Variants in PCDHA5 observed in about 807,000 individuals in gnomAD.
PCDHA5 encodes the protein protocadherin alpha-5.
Under a neutral mutation model 61.6 loss-of-function variants are expected in PCDHA5, and 43 were observed. That is an observed-to-expected ratio of 0.70 (90% CI 0.55 to 0.90). The LOEUF (loss-of-function observed/expected upper bound fraction) is 0.90. Among genes scored for constraint, PCDHA5 ranks in the 40% least tolerant of loss-of-function variants. The pLI is 0.00. For missense variants in PCDHA5, 1,298 were observed against 1,222.7 expected, an observed-to-expected ratio of 1.06 and a Z score of -0.92; for synonymous variants, 627 against 543.9, an observed-to-expected ratio of 1.15 and a Z score of -2.13.
intron 1 of PCDHA5, 66 bp downstream of exon 1, chr5:140,824,193 C>T: frequency 1.2e-6 from 2 of 1,601,982 alleles, no homozygotes; most frequent in Non-Finnish European, 1.7e-6. Context: ...GTCACATTCA[C>T]CCACTTTTTT....
chr5:141,009,594 C>G, intron 3 of PCDHA5, 33 bp from the exon 4 acceptor site: 1 of 1,602,468 alleles, frequency 6.2e-7, no homozygotes, highest in Non-Finnish European at 8.5e-7. Context: ...ATGTGTTGAC[C>G]CTGTTAATGA....
chr5:140,908,307 C>T (rs782169692), intron 1 of PCDHA5, among the ~76,000 whole-genome samples: 43 of 152,180 alleles, frequency 2.8e-4, no homozygotes, highest in Non-Finnish European at 1.3e-4. Context: ...GAAGGAAGGG[C>T]GGCAGGAGTG....
intron 1 of PCDHA5, among the ~76,000 whole-genome samples, chr5:140,886,712 G>A (rs950364984): frequency 1.3e-5 from 2 of 151,798 alleles, no homozygotes; most frequent in Middle Eastern, 3.4e-3. Flanking sequence ...TGTAATCCCA[G>A]CTACTTGGGA....
chr5:140,874,152 T>C (rs1416330070), intron 1 of PCDHA5, among the ~76,000 whole-genome samples: 1 of 152,228 alleles, frequency 6.6e-6, no homozygotes, highest in African/African-American at 2.4e-5. Context: ...TGTAGAGCCA[T>C]TCTTGGTTAC....
intron 1 of PCDHA5, chr5:140,856,046 A>G (rs781911942): frequency 1.3e-6 from 2 of 1,582,372 alleles, no homozygotes; most frequent in East Asian, 2.2e-5. Flanking sequence ...AGAGAAGGAT[A>G]AGATGGTTTC....
intron 1 of PCDHA5, chr5:140,855,966 T>C (rs1554148056): frequency 7.0e-7 from 1 of 1,422,664 alleles, no homozygotes; most frequent in South Asian, 1.4e-5. Flanking sequence ...AAAATAGATA[T>C]AAGAAATAGG....
intron 1 of PCDHA5, chr5:140,877,047 C>A (rs372059660): frequency 3.3e-5 from 53 of 1,612,564 alleles, no homozygotes; most frequent in Non-Finnish European, 4.3e-5. Flanking sequence ...CGCTAGACCA[C>A]GAGGAGCTGG....
chr5:140,920,773 G>A (rs374394320), intron 1 of PCDHA5, among the ~76,000 whole-genome samples: 41 of 151,942 alleles, frequency 2.7e-4, no homozygotes, highest in African/African-American at 9.2e-4. Flanking sequence ...ACACCTGGGA[G>A]GTGGAGGTTG....
At chr5:140,846,526 C>T (rs1554141357) in intron 1 of PCDHA5, among the ~76,000 whole-genome samples, 1 of 148,306 alleles carries the variant, frequency 6.7e-6, no homozygotes, top group Non-Finnish European at 1.5e-5. Context: ...AGGTGCATGC[C>T]ACCATGCCCT....
intron 1 of PCDHA5, among the ~76,000 whole-genome samples, chr5:140,942,855 A>G (rs1323763970): frequency 6.6e-6 from 1 of 152,110 alleles, no homozygotes; most frequent in African/African-American, 2.4e-5. Flanking sequence ...TAAGATGATT[A>G]TTTTGCTTTA....
intron 1 of PCDHA5, among the ~76,000 whole-genome samples, chr5:140,826,903 G>C (rs1769108708): frequency 6.6e-6 from 1 of 152,118 alleles, no homozygotes; most frequent in Non-Finnish European, 1.5e-5. Flanking sequence ...AGATAAATAT[G>C]ATAGCATGTG....
chr5:140,882,288 G>C (rs1554173426), intron 1 of PCDHA5: 2 of 1,613,210 alleles, frequency 1.2e-6, no homozygotes, highest in East Asian at 2.2e-5. Flanking sequence ...TCCTGGCAAG[G>C]AGGCCCAAGA....
chr5:140,981,504 G>A (rs1435264364), intron 2 of PCDHA5, among the ~76,000 whole-genome samples: 1 of 152,182 alleles, frequency 6.6e-6, no homozygotes, highest in African/African-American at 2.4e-5. Flanking sequence ...AACCTGGGAG[G>A]CAGAGGTTGC....
In PCDHA5 at chr5:140,852,660, A is replaced by G. The variant is rs2150521293; in HGVS notation, c.2352+28533A>G. The G allele has an allele frequency of 3.6e-4, 348 of 965,166 alleles. 29 individuals carry two copies. The highest frequency in any genetic ancestry group is 4.1e-4 in the Non-Finnish European group (328 of 799,632). 59.8% of individuals were successfully genotyped at this position (965,166 alleles called of 1,614,324 possible). A position where few individuals can be genotyped will look rare whatever the true frequency, so the allele number is the denominator to read the frequency against. On this transcript the variant is annotated intron_variant, in intron 1 of 3. Coordinates refer to ENST00000529859, the MANE Select transcript of PCDHA5 (RefSeq NM_018908.3). Reference sequence around the variant, plus strand: ...TCATTAAACCTATCTATATCTGTCTATCAGCACAACTCACCTTGAATATAG... The same window carrying G: ...TCATTAAACCTATCTATATCTGTCTGTCAGCACAACTCACCTTGAATATAG...
intron 1 of PCDHA5, among the ~76,000 whole-genome samples, chr5:140,906,130 C>T (rs1554192409): frequency 6.6e-6 from 1 of 152,112 alleles, no homozygotes; most frequent in African/African-American, 2.4e-5. Flanking sequence ...AAATGTTAGT[C>T]TCCTTTGATA....
chr5:140,831,363 T>A (rs1771496474), intron 1 of PCDHA5: 1 of 31,544 alleles, frequency 3.2e-5, no homozygotes, highest in Non-Finnish European at 6.7e-5. Context: ...CTATTTTGTA[T>A]GTGTGTGTGT....
chr5:140,920,485 A>G (rs1366888817), intron 1 of PCDHA5, among the ~76,000 whole-genome samples: 3 of 152,164 alleles, frequency 2.0e-5, no homozygotes, highest in Admixed American at 6.5e-5. Context: ...TTTTTGGTCC[A>G]ACAATAGAGT....
At chr5:140,885,064 A>T (rs2060452937) in intron 1 of PCDHA5, among the ~76,000 whole-genome samples, 1 of 152,162 alleles carries the variant, frequency 6.6e-6, no homozygotes, top group Non-Finnish European at 1.5e-5. Context: ...TACCCACAAG[A>T]TATTATTTTA....
At chr5:140,829,252 C>T (rs1430937328) in intron 1 of PCDHA5, 1 of 1,614,148 alleles carries the variant, frequency 6.2e-7, no homozygotes, top group Non-Finnish European at 8.5e-7. Flanking sequence ...AGGTGAACTG[C>T]TCGCTGACGC....
Sources: allele counts gnomAD v4.1 joint callset (sites outside exome capture counted in the v4.1 genomes callset), GRCh38; gene constraint gnomAD v4.1.1; transcripts MANE v1.5; gene names NCBI Gene and HGNC (gene_info 2026-07-23, HGNC 2026-07-21).